CCSER1: variants seen among roughly 807,000 people sequenced by gnomAD.
CCSER1 encodes the protein serine-rich coiled-coil domain-containing protein 1.
Under a neutral mutation model 82.0 loss-of-function variants are expected in CCSER1, and 41 were observed. That is an observed-to-expected ratio of 0.50 (90% confidence interval 0.39 to 0.65). CCSER1 has a LOEUF of 0.65. Among genes scored for constraint, CCSER1 ranks in the 30% least tolerant of loss-of-function variants. The pLI is 0.00. For synonymous variants in CCSER1, 414 were observed against 383.9 expected, an observed-to-expected ratio of 1.08 and a Z score of -0.92; for missense variants, 1,119 against 1,064.2, an observed-to-expected ratio of 1.05 and a Z score of -0.72.
At chr4:91,498,329 C>A (rs1759035552) in intron 10 of CCSER1, among the ~76,000 whole-genome samples, 1 of 151,774 alleles carries the variant, frequency 6.6e-6, no homozygotes, top group Non-Finnish European at 1.5e-5. Context: ...GTATATTATC[C>A]CTCCGGGATA....
intron 10 of CCSER1, among the ~76,000 whole-genome samples, chr4:91,569,189 C>T (rs149754642): frequency 1.7e-3 from 262 of 152,222 alleles, no homozygotes; most frequent in Middle Eastern, 6.8e-3. Context: ...TTGGTAGACC[C>T]TTGTTTGGTT....
chr4:90,426,689 A>T (rs1757572360), intron 4 of CCSER1, among the ~76,000 whole-genome samples: 1 of 152,160 alleles, frequency 6.6e-6, no homozygotes, highest in Admixed American at 6.6e-5. Flanking sequence ...ATAACTTGTG[A>T]TATGAAATAA....
At chr4:90,512,028 A>G (rs1465824256) in intron 5 of CCSER1, among the ~76,000 whole-genome samples, 3 of 152,136 alleles carry the variant, frequency 2.0e-5, no homozygotes, top group African/African-American at 7.2e-5. Context: ...GAGAAGAGAG[A>G]AAAAATGAAT....
rs1014190288 is a variant in CCSER1, at chr4:91,222,141, G to A, written c.2217+136147G>A. Among the ~76,000 whole-genome samples, 5 of 150,940 alleles carry A rather than the reference G, an allele frequency of 3.3e-5. No individual in the cohort carries two copies. The East Asian group carries it at 9.9e-4, about 30-fold the overall frequency. On this transcript the variant is annotated intron_variant, in intron 10 of 10. Transcript: ENST00000509176. ...GAAAATGTGGGGGAGGGAAAGTGTG[G>A]CTGCTACTGTGAACTGATTTTCAGG... is the stretch of plus-strand genomic sequence containing the variant.
chr4:91,440,391 G>A (rs1755036497), intron 10 of CCSER1, among the ~76,000 whole-genome samples: 1 of 152,160 alleles, frequency 6.6e-6, no homozygotes. Flanking sequence ...AATGAAGGCA[G>A]AAATAAAGAT....
chr4:90,290,511 A>G (rs149752652), intron 1 of CCSER1, among the ~76,000 whole-genome samples: 3,506 of 151,904 alleles, frequency 0.023, 50 homozygotes, highest in Middle Eastern at 0.058. Context: ...TTCTTTGAAT[A>G]TTTTATTTTG....
intron 9 of CCSER1, among the ~76,000 whole-genome samples, 173 bp from the exon 10 acceptor site, chr4:91,085,777 C>T (rs1040914842): frequency 6.7e-6 from 1 of 148,808 alleles, no homozygotes; most frequent in Non-Finnish European, 1.5e-5. Context: ...TGAAGACTTA[C>T]TTAGCTACAC....
chr4:91,302,284 C>T (rs891468372), intron 10 of CCSER1, among the ~76,000 whole-genome samples: 1 of 151,992 alleles, frequency 6.6e-6, no homozygotes, highest in Non-Finnish European at 1.5e-5. Context: ...CCTGTTTTCA[C>T]GCCAAGAGAT....
intron 9 of CCSER1, among the ~76,000 whole-genome samples, chr4:90,965,538 T>A (rs539810981): frequency 6.6e-6 from 1 of 152,254 alleles, no homozygotes; most frequent in African/African-American, 2.4e-5. Context: ...GGCCAATACA[T>A]TCAAGATAAT....
At chr4:90,517,115 A>T (rs1772396510) in intron 5 of CCSER1, among the ~76,000 whole-genome samples, 1 of 151,984 alleles carries the variant, frequency 6.6e-6, no homozygotes, top group African/African-American at 2.4e-5. Context: ...ATGTGCTCAG[A>T]CACTTATATT....
intron 7 of CCSER1, among the ~76,000 whole-genome samples, chr4:90,734,286 C>T (rs1025487536): frequency 2.1e-4 from 32 of 151,948 alleles, no homozygotes; most frequent in Non-Finnish European, 2.9e-4. Flanking sequence ...CCACCACGCC[C>T]GGCTAATTTT....
chr4:91,186,215 G>C (rs1445683372), intron 10 of CCSER1, among the ~76,000 whole-genome samples: 1 of 152,148 alleles, frequency 6.6e-6, no homozygotes, highest in Non-Finnish European at 1.5e-5. Flanking sequence ...CAGAAGGGTA[G>C]GGATGAACCT....
intron 6 of CCSER1, among the ~76,000 whole-genome samples, chr4:90,699,722 CTGTA>C (rs1737667719): frequency 6.6e-6 from 1 of 152,158 alleles, no homozygotes; most frequent in Non-Finnish European, 1.5e-5. Flanking sequence ...CTGCCATAAT[CTGTA>C]TGTTTGTATC....
chr4:90,174,347 C>T (rs1379311896), intron 1 of CCSER1, among the ~76,000 whole-genome samples: 1 of 151,916 alleles, frequency 6.6e-6, no homozygotes, highest in Non-Finnish European at 1.5e-5. Flanking sequence ...CAGATCTGAC[C>T]TTCCACTGTA....
intron 1 of CCSER1, among the ~76,000 whole-genome samples, chr4:90,177,681 G>A (rs531830761): frequency 1.6e-4 from 24 of 152,198 alleles, no homozygotes; most frequent in Admixed American, 3.9e-4. Flanking sequence ...GCATTTGTAA[G>A]CCTAGAATCA....
At chr4:90,657,914 G>A (rs1319246041) in intron 6 of CCSER1, among the ~76,000 whole-genome samples, 1 of 152,138 alleles carries the variant, frequency 6.6e-6, no homozygotes, top group African/African-American at 2.4e-5. Flanking sequence ...GACCAACCTT[G>A]CCAACATGGC....
At chr4:90,379,237 T>A (rs1270785526) in intron 3 of CCSER1, among the ~76,000 whole-genome samples, 1 of 152,186 alleles carries the variant, frequency 6.6e-6, no homozygotes, top group Non-Finnish European at 1.5e-5. Flanking sequence ...CCCTATTTTG[T>A]ACTCCCATCA....
chr4:91,108,785 G>A (rs1725851131), intron 10 of CCSER1, among the ~76,000 whole-genome samples: 1 of 152,168 alleles, frequency 6.6e-6, no homozygotes, highest in Admixed American at 6.5e-5. Context: ...AACTGTGATG[G>A]TTAATTTTAG....
chr4:90,607,534 C>T (rs1784888229), intron 5 of CCSER1, among the ~76,000 whole-genome samples: 1 of 152,118 alleles, frequency 6.6e-6, no homozygotes, highest in Non-Finnish European at 1.5e-5. Flanking sequence ...CTTTCCTTGG[C>T]TCATAGAAGC....
Sources: gnomAD v4.1 joint callset for allele counts (sites outside exome capture counted in the v4.1 genomes callset) on GRCh38, gnomAD v4.1.1 for gene constraint, MANE v1.5 for transcripts, NCBI Gene and HGNC (gene_info 2026-07-23, HGNC 2026-07-21) for gene names.